COLGALT2: variants seen among roughly 807,000 people sequenced by gnomAD.
COLGALT2 encodes the protein procollagen galactosyltransferase 2.
COLGALT2 carries 49 observed loss-of-function variants against 73.4 expected under a neutral mutation model. The observed-to-expected ratio is 0.67, with a 90% CI of 0.53 to 0.85. The LOEUF is 0.85. Ranked by LOEUF, COLGALT2 falls within the 40% of genes least tolerant of loss-of-function variation. The probability of loss-of-function intolerance (pLI) is 0.00; values close to 1 mark genes in which losing one functional copy is unlikely to be tolerated. For synonymous variants in COLGALT2, 295 were observed against 307.6 expected (o/e 0.96, Z 0.43); for missense variants, 722 against 790.2 (o/e 0.91, Z 1.03).
rs139203790 is a variant in COLGALT2, at chr1:184,006,301, T to C, written c.264-27781A>G. Among the ~76,000 whole-genome samples, 908 of 152,218 alleles carry C rather than the reference T, an allele frequency of 6.0e-3. 14 individuals carry two copies. Among genetic ancestry groups the C allele is most frequent in the African/African-American group, 0.021 (871 of 41,492 alleles). On this transcript the variant is annotated intron_variant, in intron 1 of 11. Coordinates refer to ENST00000361927, the MANE Select transcript of COLGALT2 (RefSeq NM_015101.4). The stretch of plus-strand genomic sequence containing the variant: ...GACTAGAGCTAAAAAAATTAGAGTA[T>C]GGGCCGGGCACGGTGGCTCAGGCCT...
intron 6 of COLGALT2, among the ~76,000 whole-genome samples, chr1:183,961,673 G>A (rs1210404328): frequency 6.6e-6 from 1 of 152,086 alleles, no homozygotes; most frequent in Non-Finnish European, 1.5e-5. Context: ...CATTATTCTC[G>A]CTTTGGGTTC....
At position 183,984,417 on chromosome 1, in the gene COLGALT2, A is replaced by G. The variant is rs1371029434; in HGVS notation, c.264-5897T>C. Among the ~76,000 whole-genome samples, 3 of 152,222 alleles carry G rather than the reference A, an allele frequency of 2.0e-5. No individual in the cohort carries two copies. The East Asian group carries it at 5.8e-4, about 29-fold the overall frequency. Reference sequence around the variant, plus strand: ...GAGATTCTGTCTCAAAAGAAAAACAACAACGACAAAAAGACAGCAAGGAGA... The same window carrying G: ...GAGATTCTGTCTCAAAAGAAAAACAGCAACGACAAAAAGACAGCAAGGAGA... On this transcript the variant is annotated intron_variant, in intron 1 of 11. Coordinates refer to ENST00000361927, the MANE Select transcript of COLGALT2 (RefSeq NM_015101.4).
chr1:183,931,942 A>G (rs1427326374), downstream of COLGALT2, among the ~76,000 whole-genome samples: 1 of 151,848 alleles, frequency 6.6e-6, no homozygotes, highest in East Asian at 1.9e-4. Flanking sequence ...GCCCTTTGAC[A>G]TCGATTTCTG....
Position 183,936,205 on chromosome 1 carries a change from GCAAAGGTCAAATGT to G in COLGALT2, c.*2542_*2555del, listed in dbSNP as rs759016076. On this transcript the variant is annotated 3_prime_UTR_variant, in exon 12 of 12. Coordinates refer to ENST00000361927, the MANE Select transcript of COLGALT2 (RefSeq NM_015101.4). ...TATACTGACGCCCTCACATGACACT[GCAAAGGTCAAATGT>G]CAAAGGTCAAATGTCTTGGCTTAGG... The G allele has an allele frequency of 3.1e-5, 31 of 985,400 alleles. No homozygotes were observed. The highest frequency in any genetic ancestry group is 1.1e-4 in the East Asian group (1 of 8,824). 61.0% of individuals were successfully genotyped at this position (985,400 alleles called of 1,614,324 possible). A position where few individuals can be genotyped will look rare whatever the true frequency, so the allele number is the denominator to read the frequency against.
intron 9 of COLGALT2, 91 bp downstream of exon 9, chr1:183,945,340 GC>G: frequency 1.4e-6 from 2 of 1,424,376 alleles, no homozygotes; most frequent in East Asian, 2.3e-5. Flanking sequence ...ACAGTTGCGG[GC>G]TCACTTTACA....
intron 1 of COLGALT2, among the ~76,000 whole-genome samples, chr1:184,003,205 A>G (rs1198725185): frequency 6.6e-6 from 1 of 152,190 alleles, no homozygotes; most frequent in East Asian, 1.9e-4. Flanking sequence ...TCCTCCTATC[A>G]AAAGATAGGG....
intron 1 of COLGALT2, among the ~76,000 whole-genome samples, chr1:184,026,478 A>G (rs1287564983): frequency 6.6e-6 from 1 of 152,256 alleles, no homozygotes; most frequent in East Asian, 1.9e-4. Context: ...ACATGCAGTT[A>G]TAATAATGCT....
chr1:183,993,330 A>G (rs1671681972), intron 1 of COLGALT2, among the ~76,000 whole-genome samples: 2 of 152,352 alleles, frequency 1.3e-5, no homozygotes, highest in South Asian at 4.1e-4. Context: ...GTTGCTTTGA[A>G]GGCAGCACCC....
At chr1:184,021,136 G>A (rs568665551) in intron 1 of COLGALT2, among the ~76,000 whole-genome samples, 14 of 152,268 alleles carry the variant, frequency 9.2e-5, no homozygotes, top group African/African-American at 3.1e-4. Context: ...CATCGGGAGA[G>A]GTTGGTGCTG....
At chr1:184,005,137 G>C (rs192774774) in intron 1 of COLGALT2, among the ~76,000 whole-genome samples, 115 of 152,274 alleles carry the variant, frequency 7.6e-4, no homozygotes, top group Non-Finnish European at 1.3e-3. Context: ...CAAGGACCCA[G>C]AGCACGCTAC....
intron 1 of COLGALT2, among the ~76,000 whole-genome samples, chr1:184,031,817 ATCCTTCCTTCCTTCCTTCCTTCCT>A (rs57492822): frequency 7.2e-6 from 1 of 139,190 alleles, no homozygotes; most frequent in Non-Finnish European, 1.6e-5. Flanking sequence ...CCATGAATGT[ATCCTTCCTTCCTTCCTTCCTTCCT>A]TCCTTCCTTC....
At position 183,937,441 on chromosome 1, in the gene COLGALT2, A is replaced by T. The variant is rs1669985163; in HGVS notation, c.*1320T>A. 1 of 986,452 alleles carries T rather than the reference A, an allele frequency of 1.0e-6. No individual in the cohort carries two copies. The highest frequency in any genetic ancestry group is 1.2e-6 in the Non-Finnish European group (1 of 830,726). The allele number at this position is 986,452 out of a possible 1,614,324, so 61.1% of individuals were successfully genotyped here. A position where few individuals can be genotyped will look rare whatever the true frequency, so the allele number is the denominator to read the frequency against. On this transcript the variant is annotated 3_prime_UTR_variant, in exon 12 of 12. Transcript: ENST00000361927. ...TAAAATCAATCTGTGAAGAAAGCAG[A>T]AAGGACTCTTAGGGGATATCTTTTG... is the stretch of plus-strand genomic sequence containing the variant.
intron 7 of COLGALT2, among the ~76,000 whole-genome samples, chr1:183,953,552 G>A (rs144851175): frequency 1.3e-4 from 20 of 152,296 alleles, no homozygotes; most frequent in East Asian, 1.9e-4. Context: ...CTAGGGAACC[G>A]AGAGAGAGCT....
intron 11 of COLGALT2, 58 bp downstream of exon 11, chr1:183,940,523 A>C: frequency 1.4e-6 from 2 of 1,413,374 alleles, no homozygotes; most frequent in Middle Eastern, 2.0e-4. Context: ...AGAAATGGAG[A>C]GCATAATTCA....
At chr1:183,933,799 T>A (rs1669894563), downstream of COLGALT2, among the ~76,000 whole-genome samples, 2 of 152,126 alleles carry the variant, frequency 1.3e-5, no homozygotes, top group Admixed American at 1.3e-4. Flanking sequence ...ACATGGTAAG[T>A]TTACTAAAGC....
chr1:183,964,963 G>T (rs1348774133), intron 5 of COLGALT2, among the ~76,000 whole-genome samples: 1 of 152,196 alleles, frequency 6.6e-6, no homozygotes, highest in Non-Finnish European at 1.5e-5. Flanking sequence ...TCTGCATAGG[G>T]ACTCCTCTAT....
At chr1:183,930,142 A>G (rs1415861785) in exon 12 of COLGALT2, 1 of 453,000 alleles carries the variant, frequency 2.2e-6, no homozygotes, top group African/African-American at 2.0e-5. Flanking sequence ...GGAGGTGGGA[A>G]ATGCAGGAGA....
chr1:183,951,853 T>G (rs1029501807), intron 7 of COLGALT2, among the ~76,000 whole-genome samples: 47 of 152,130 alleles, frequency 3.1e-4, no homozygotes, highest in African/African-American at 1.1e-3. Flanking sequence ...ATCTTAAAAT[T>G]TTCATGGAAC....
At chr1:184,028,334 C>A (rs1365336887) in intron 1 of COLGALT2, among the ~76,000 whole-genome samples, 1 of 152,110 alleles carries the variant, frequency 6.6e-6, no homozygotes, top group Non-Finnish European at 1.5e-5. Context: ...GGGAGAACAC[C>A]AATCAATGTA....
Sources: allele counts gnomAD v4.1 joint callset (sites outside exome capture counted in the v4.1 genomes callset), GRCh38; gene constraint gnomAD v4.1.1; transcripts MANE v1.5; gene names NCBI Gene and HGNC (gene_info 2026-07-23, HGNC 2026-07-21).